The following SH3PXD2B variants were observed in gnomAD, a reference collection of about 807,000 sequenced individuals.
SH3PXD2B encodes SH3 and PX domains 2B.
A neutral mutation model predicts 73.1 loss-of-function variants in SH3PXD2B; 37 were observed. That is an observed-to-expected ratio of 0.51 (90% CI 0.39 to 0.67). SH3PXD2B has a LOEUF of 0.67. SH3PXD2B is among the 30% of genes least tolerant of loss of function. The pLI is 0.00. For missense variants in SH3PXD2B, 1,053 were observed against 1,197.8 expected (o/e 0.88, Z 1.78); for synonymous variants, 457 against 480.5 (o/e 0.95, Z 0.64).
At chr5:172,416,649 T>TAA (rs748088969) in intron 2 of SH3PXD2B, among the ~76,000 whole-genome samples, 4 of 123,020 alleles carry the variant, frequency 3.3e-5, no homozygotes, top group African/African-American at 1.3e-4. Context: ...TTTTTTTTTT[T>TAA]AAAAAGGACC....
intron 10 of SH3PXD2B, among the ~76,000 whole-genome samples, chr5:172,350,140 C>G (rs920855790): frequency 1.3e-5 from 2 of 152,178 alleles, no homozygotes; most frequent in African/African-American, 4.8e-5. Context: ...CAGGTGTGAG[C>G]CACTGTGCCC....
downstream of SH3PXD2B, among the ~76,000 whole-genome samples, chr5:172,329,540 C>CTTTTTTTT (rs370876232): frequency 0.016 from 1,750 of 106,322 alleles, 205 homozygotes; most frequent in African/African-American, 0.03. Flanking sequence ...CTTTGTTATT[C>CTTTTTTTT]TTTTTTTTTT....
intron 1 of SH3PXD2B, among the ~76,000 whole-genome samples, chr5:172,435,882 G>C (rs1333977119): frequency 6.6e-6 from 1 of 152,166 alleles, no homozygotes. Flanking sequence ...TCCTTGCAGG[G>C]GCTGTGAGAA....
At chr5:172,378,698 G>T (rs1757874025) in intron 5 of SH3PXD2B, among the ~76,000 whole-genome samples, 1 of 152,166 alleles carries the variant, frequency 6.6e-6, no homozygotes, top group Non-Finnish European at 1.5e-5. Context: ...TGTGAGGGAG[G>T]TGTCATCAGG....
At chr5:172,428,678 C>T (rs577136296) in intron 1 of SH3PXD2B, among the ~76,000 whole-genome samples, 2 of 152,362 alleles carry the variant, frequency 1.3e-5, no homozygotes, top group South Asian at 4.1e-4. Context: ...AATCCAGTTA[C>T]TGTGTGGCCC....
intron 2 of SH3PXD2B, among the ~76,000 whole-genome samples, chr5:172,418,489 T>A (rs1758877579): frequency 6.6e-6 from 1 of 152,176 alleles, no homozygotes; most frequent in South Asian, 2.1e-4. Context: ...CTCCCCACGC[T>A]GTTTGGGCCA....
In SH3PXD2B at chr5:172,424,053, G is replaced by T. The variant is rs187589756; in HGVS notation, c.76-1557C>A. Among the ~76,000 whole-genome samples, 333 of 152,286 alleles carry T rather than the reference G, an allele frequency of 2.2e-3. 1 individual carries two copies. The highest frequency in any genetic ancestry group is 3.0e-3 in the Non-Finnish European group (205 of 68,014). ...GGCTACCCATCCTCACTGGGGGTGG[G>T]GGGGAGCCTGCCTGAGAAAGGAGCC... On this transcript the variant is annotated intron_variant, in intron 1 of 12. Coordinates refer to ENST00000311601, the MANE Select transcript of SH3PXD2B (RefSeq NM_001017995.3).
intron 4 of SH3PXD2B, among the ~76,000 whole-genome samples, chr5:172,390,237 T>A (rs1758151055): frequency 6.6e-6 from 1 of 152,256 alleles, no homozygotes. Context: ...AAACCACTGA[T>A]CTGCTTTTTG....
chr5:172,369,772 A>C (rs560315417), intron 6 of SH3PXD2B, among the ~76,000 whole-genome samples: 1 of 152,194 alleles, frequency 6.6e-6, no homozygotes, highest in Non-Finnish European at 1.5e-5. Context: ...CATCTCAAAA[A>C]ACAAACAAAC....
In SH3PXD2B at chr5:172,339,883, T is replaced by C. The variant is rs557204946; in HGVS notation, c.1222A>G (p.Ile408Val). 3 of 1,614,120 alleles carry C rather than the reference T, an allele frequency of 1.9e-6. No homozygotes were observed. Among genetic ancestry groups the C allele is most frequent in the South Asian group, 1.1e-5 (1 of 91,090 alleles). ...IEKNLSGWWY[I>V]QIEDKEGWAP... The stretch of plus-strand genomic sequence containing the variant: ...CACCCTTCCTTATCTTCAATCTGAA[T>C]GTACCACCAGCCACTCAAGTTTTTC... The change falls in exon 13 of 13, where the codon ATT becomes GTT. Residue 408 changes from isoleucine (I) to valine (V), a missense_variant. This residue lies in a region of SH3PXD2B where 466 missense variants were observed against 607.1 expected (regional missense o/e 0.77). Transcript: ENST00000311601. The surrounding 1 kb of genome is among the most constrained non-coding windows in gnomAD (Gnocchi z 6.1).
rs201613277 is a variant in SH3PXD2B, at chr5:172,453,121, T to TA, written c.75+1156dup. 5.4e-3 allele frequency among the ~76,000 whole-genome samples: 806 copies of TA among 149,378 alleles called. 5 individuals are homozygous for TA. Among genetic ancestry groups the TA allele is most frequent in the African/African-American group, 0.018 (735 of 40,746 alleles). On this transcript the variant is annotated intron_variant, in intron 1 of 12. Coordinates refer to ENST00000311601, the MANE Select transcript of SH3PXD2B (RefSeq NM_001017995.3). ...GATCTACTTTGTAAGAATTAGTTCT[T>TA]AAAAAAAAAAGATCTGAAGACGACT...
In SH3PXD2B at chr5:172,439,293, C is replaced by CAAAAAAAAAA. The variant is rs1233319484; in HGVS notation, c.75+14984_75+14985insTTTTTTTTTT. Among the ~76,000 whole-genome samples the CAAAAAAAAAA allele has an allele frequency of 1.6e-4, 10 of 61,620 alleles. 3 individuals are homozygous for CAAAAAAAAAA. Among genetic ancestry groups the CAAAAAAAAAA allele is most frequent in the African/African-American group, 7.4e-4 (9 of 12,106 alleles). 40.4% of individuals were successfully genotyped at this position (61,620 alleles called of 152,430 possible). On this transcript the variant is annotated intron_variant, in intron 1 of 12. Coordinates refer to ENST00000311601, the MANE Select transcript of SH3PXD2B (RefSeq NM_001017995.3). ...AACAAAAACAAAACAAAAAAAAAAC[C>CAAAAAAAAAA]CCAAAAAAAAACCACAGGCATCGGC...
At chr5:172,435,547 T>C (rs2113491841) in intron 1 of SH3PXD2B, among the ~76,000 whole-genome samples, 1 of 152,066 alleles carries the variant, frequency 6.6e-6, no homozygotes, top group South Asian at 2.1e-4. Context: ...CTCAGCCTCC[T>C]GAGTAGGTGG....
chr5:172,448,015 A>G (rs1759711632), intron 1 of SH3PXD2B, among the ~76,000 whole-genome samples: 1 of 152,192 alleles, frequency 6.6e-6, no homozygotes, highest in African/African-American at 2.4e-5. Flanking sequence ...ACAAGCACCT[A>G]CTTTTTCCCA....
At chr5:172,426,497 A>G (rs1006974439) in intron 1 of SH3PXD2B, among the ~76,000 whole-genome samples, 8 of 152,206 alleles carry the variant, frequency 5.3e-5, no homozygotes, top group Non-Finnish European at 1.0e-4. Context: ...CTTCCCTCAC[A>G]GTGGTCATCC....
intron 1 of SH3PXD2B, among the ~76,000 whole-genome samples, chr5:172,451,322 C>T (rs142267732): frequency 1.0e-3 from 155 of 152,280 alleles, no homozygotes; most frequent in African/African-American, 3.5e-3. Flanking sequence ...GAAGAGGACT[C>T]TCAAAAACTG....
chr5:172,403,981 TTGACTC>T (rs1758492287), intron 3 of SH3PXD2B, among the ~76,000 whole-genome samples: 1 of 152,232 alleles, frequency 6.6e-6, no homozygotes, highest in African/African-American at 2.4e-5. Flanking sequence ...GCTAGTCTGT[TTGACTC>T]TGAAGCACAC....
chr5:172,410,310 C>T (rs1336790197), intron 2 of SH3PXD2B, among the ~76,000 whole-genome samples: 1 of 152,144 alleles, frequency 6.6e-6, no homozygotes. Context: ...GTATTTTAAA[C>T]ATGTGGTTTT....
In SH3PXD2B at chr5:172,445,631, T is replaced by A. The variant is rs1759643448; in HGVS notation, c.75+8647A>T. 1.3e-5 allele frequency among the ~76,000 whole-genome samples: 2 copies of A among 152,360 alleles called. No homozygotes were observed. The highest frequency in any genetic ancestry group is 3.9e-4 in the East Asian group (2 of 5,188). On this transcript the variant is annotated intron_variant, in intron 1 of 12. Coordinates refer to ENST00000311601, the MANE Select transcript of SH3PXD2B (RefSeq NM_001017995.3). The surrounding 1 kb of genome is among the most constrained non-coding windows in gnomAD (Gnocchi z 5.2). ...GAATTTCGGATAAACAACAAATAAT[T>A]GTTTCTCATAAATATGTCCCAAATA...
Sources: gnomAD v4.1 joint callset for allele counts (sites outside exome capture counted in the v4.1 genomes callset) on GRCh38, gnomAD v4.1.1 for gene constraint, gnomAD v4.1.1 regional missense constraint, Gnocchi (gnomAD v3.1) non-coding constraint, MANE v1.5 for transcripts, NCBI Gene and HGNC (gene_info 2026-07-23, HGNC 2026-07-21) for gene names.